Variants in ALMS1 observed in about 807,000 individuals in gnomAD.
The protein encoded by ALMS1 is centrosome-associated protein ALMS1.
Under a neutral mutation model 352.2 loss-of-function variants are expected in ALMS1, and 271 were observed. The observed-to-expected ratio is 0.77, with a 90% CI of 0.70 to 0.85. The LOEUF (loss-of-function observed/expected upper bound fraction) is 0.85, where lower values mean the gene tolerates loss of function less well. ALMS1 is among the 40% of genes least tolerant of loss of function. ALMS1 has a pLI of 0.00. For missense variants in ALMS1, 5,445 were observed against 4,870.7 expected (o/e 1.12, Z -3.51); for synonymous variants, 1,865 against 1,761.2 (o/e 1.06, Z -1.48).
intron 16 of ALMS1, among the ~76,000 whole-genome samples, chr2:73,594,688 C>G (rs1231655234): frequency 6.6e-6 from 1 of 152,206 alleles, no homozygotes; most frequent in Non-Finnish European, 1.5e-5. Flanking sequence ...CCAATATCTC[C>G]TTGCATTGGA....
At chr2:73,496,134 C>G (rs756730448) in intron 10 of ALMS1, among the ~76,000 whole-genome samples, 1 of 152,140 alleles carries the variant, frequency 6.6e-6, no homozygotes, top group Non-Finnish European at 1.5e-5. Context: ...TGAAAATTTC[C>G]GTACTTATAA....
At chr2:73,477,385 T>TC (rs995409440) in intron 9 of ALMS1, among the ~76,000 whole-genome samples, 1 of 152,082 alleles carries the variant, frequency 6.6e-6, no homozygotes, top group East Asian at 1.9e-4. Context: ...TTGATTATTG[T>TC]AGCTTTGGAG....
At chr2:73,491,591 C>A in intron 10 of ALMS1, 93 bp downstream of exon 10, 2 of 1,356,112 alleles carry the variant, frequency 1.5e-6, no homozygotes, top group South Asian at 2.5e-5. Context: ...GGGGAAAGGC[C>A]GTGTGATTTC....
At chr2:73,510,422 T>G (rs1033804919) in intron 10 of ALMS1, among the ~76,000 whole-genome samples, 1 of 152,198 alleles carries the variant, frequency 6.6e-6, no homozygotes, top group African/African-American at 2.4e-5. Context: ...TTGTTGATGT[T>G]GATGCTTTTG....
In ALMS1 at chr2:73,449,273, A is replaced by G. The variant is rs1355707191; in HGVS notation, c.2746A>G (p.Ile916Val). ...CTACTCACACAGAGAGAAGCCCATT[A>G]TTTTTTCCCAGCAGACCCTGCCAGA... ...SFYSHREKPIIFSQQTLPDFL... is the reference protein window; with the variant it reads ...SFYSHREKPIVFSQQTLPDFL... The change falls in exon 8 of 23, where the codon ATT becomes GTT. Residue 916 changes from isoleucine to valine, a missense_variant. By Grantham distance (29) the Ile-to-Val change is conservative (BLOSUM62 3). Coordinates refer to ENST00000613296, the MANE Select transcript of ALMS1 (RefSeq NM_001378454.1). The G allele has an allele frequency of 3.1e-6, 5 of 1,613,664 alleles. No individual in the cohort carries two copies. Among genetic ancestry groups the G allele is most frequent in the Non-Finnish European group, 4.2e-6 (5 of 1,179,918 alleles).
At chr2:73,410,618 G>C (rs1671056642) in intron 2 of ALMS1, among the ~76,000 whole-genome samples, 1 of 152,176 alleles carries the variant, frequency 6.6e-6, no homozygotes, top group South Asian at 2.1e-4. Context: ...GCCTTACATA[G>C]ATGAAAAAGG....
chr2:73,508,497 A>C (rs571759070), intron 10 of ALMS1, among the ~76,000 whole-genome samples: 1 of 151,744 alleles, frequency 6.6e-6, no homozygotes, highest in East Asian at 1.9e-4. Context: ...GAGCCACCGC[A>C]CCCGGCTGAG....
chr2:73,474,244 AT>A (rs1437594970), intron 9 of ALMS1, among the ~76,000 whole-genome samples: 7 of 152,098 alleles, frequency 4.6e-5, no homozygotes, highest in Non-Finnish European at 5.9e-5. Context: ...TATTTAAAAA[AT>A]TGAGAATTTT....
chr2:73,500,967 T>C (rs890990460), intron 10 of ALMS1, among the ~76,000 whole-genome samples: 5 of 152,088 alleles, frequency 3.3e-5, no homozygotes, highest in African/African-American at 1.2e-4. Context: ...CATATGTGAG[T>C]TTCAGTTATT....
Position 73,452,702 on chromosome 2 carries a change from C to T in ALMS1, c.6175C>T (p.Gln2059Ter). The stretch of plus-strand genomic sequence containing the variant: ...AACAGTAAAGCCCAATATTTTATTT[C>T]AACAGCAGTTGCCAGATAGAGATCA... ...SQTVKPNILF[Q>*]QQLPDRDQSK... The change falls in exon 8 of 23, where the codon CAA (glutamine) becomes TAA (stop). Residue 2059 changes from glutamine (Q) to a stop codon, truncating the protein, a stop_gained. Coordinates refer to ENST00000613296, the MANE Select transcript of ALMS1 (RefSeq NM_001378454.1). LOFTEE classifies it high-confidence loss of function. 1 of 1,613,746 alleles carries T rather than the reference C, an allele frequency of 6.2e-7. No homozygotes were observed. Among genetic ancestry groups the T allele is most frequent in the Non-Finnish European group, 8.5e-7 (1 of 1,179,980 alleles).
At position 73,451,776 on chromosome 2, in the gene ALMS1, G is replaced by A. The variant is rs771131940; in HGVS notation, c.5249G>A (p.Gly1750Glu). Residue 1750 changes from glycine to glutamate, a missense_variant, in exon 8 of 23, where the codon GGG becomes GAG. Coordinates refer to ENST00000613296, the MANE Select transcript of ALMS1 (RefSeq NM_001378454.1). Reference sequence around the variant, plus strand: ...CCTCAACCAGCTGACCAGAAGACTGGGTTATCTACTGTAACTTCCTCTTTC... The same window carrying A: ...CCTCAACCAGCTGACCAGAAGACTGAGTTATCTACTGTAACTTCCTCTTTC... ...AVPQPADQKT[G>E]LSTVTSSFYS... 6.2e-7 allele frequency: 1 copy of A among 1,614,040 alleles called. No homozygotes were observed. Among genetic ancestry groups the A allele is most frequent in the South Asian group, 1.1e-5 (1 of 91,080 alleles).
At chr2:73,423,367 T>C (rs1033463434) in intron 4 of ALMS1, among the ~76,000 whole-genome samples, 1 of 152,232 alleles carries the variant, frequency 6.6e-6, no homozygotes, top group Non-Finnish European at 1.5e-5. Context: ...ACTCTCATTT[T>C]GTTCAGCTGT....
intron 16 of ALMS1, among the ~76,000 whole-genome samples, chr2:73,597,013 T>G (rs1675566886): frequency 6.6e-6 from 1 of 152,030 alleles, no homozygotes; most frequent in South Asian, 2.1e-4. Context: ...CAGATTAATT[T>G]GGGGATTATT....
chr2:73,455,436 C>A, intron 9 of ALMS1, 141 bp downstream of exon 9: 1 of 1,059,928 alleles, frequency 9.4e-7, no homozygotes, highest in Non-Finnish European at 1.4e-6. Context: ...GACAGTCTTG[C>A]TCTGTTGCCC....
intron 15 of ALMS1, among the ~76,000 whole-genome samples, chr2:73,567,425 C>T (rs1156631848): frequency 6.6e-6 from 1 of 152,128 alleles, no homozygotes. Flanking sequence ...ATGGAAATTA[C>T]AAGAGTTTTA....
At chr2:73,575,163 A>G (rs1189803487) in intron 16 of ALMS1, among the ~76,000 whole-genome samples, 2 of 152,078 alleles carry the variant, frequency 1.3e-5, no homozygotes, top group Non-Finnish European at 2.9e-5. Flanking sequence ...TTGTTTATCC[A>G]TTCATTTATT....
At position 73,546,109 on chromosome 2, in the gene ALMS1, A is replaced by G. The variant is rs76819438; in HGVS notation, c.9908-4158A>G. On this transcript the variant is annotated intron_variant, in intron 12 of 22. Transcript: ENST00000613296. ...TGTCAATTTCAACATATGCCTTCCT[A>G]AGGTACCTTCAAGGGTGATTTTGAC... Among the ~76,000 whole-genome samples, 1,289 of 152,218 alleles carry G rather than the reference A, an allele frequency of 8.5e-3. 17 individuals carry two copies. The highest frequency in any genetic ancestry group is 0.03 in the African/African-American group (1,233 of 41,542).
chr2:73,399,859 A>G (rs1670837183), intron 1 of ALMS1, among the ~76,000 whole-genome samples: 1 of 152,000 alleles, frequency 6.6e-6, no homozygotes, highest in South Asian at 2.1e-4. Flanking sequence ...GAGGTTGTCA[A>G]ATGTTTTTTC....
chr2:73,528,682 A>G (rs1040812959), intron 11 of ALMS1, among the ~76,000 whole-genome samples: 1 of 151,244 alleles, frequency 6.6e-6, no homozygotes, highest in African/African-American at 2.4e-5. Context: ...CATTCATTCA[A>G]CCACTGTATG....
Sources: allele counts gnomAD v4.1 joint callset (sites outside exome capture counted in the v4.1 genomes callset), GRCh38; gene constraint gnomAD v4.1.1; transcripts MANE v1.5; gene names NCBI Gene and HGNC (gene_info 2026-07-23, HGNC 2026-07-21).